GPR39: variants seen among roughly 807,000 people sequenced by gnomAD.
GPR39 encodes the protein zinc sensing receptor.
In GPR39, 23 loss-of-function variants were observed where a neutral mutation model predicts 18.4. The observed-to-expected ratio is 1.25, with a 90% CI of 0.90 to 1.77. The LOEUF is 1.77. GPR39 is among the 40% of genes most tolerant of loss of function. The pLI, the probability that GPR39 is intolerant of heterozygous loss-of-function variation, is 0.00. For synonymous variants in GPR39, 280 were observed against 257.9 expected (o/e 1.09, Z -0.82); for missense variants, 647 against 602.4 (o/e 1.07, Z -0.78).
At chr2:132,603,157 G>A (rs1681075853) in intron 1 of GPR39, among the ~76,000 whole-genome samples, 1 of 151,998 alleles carries the variant, frequency 6.6e-6, no homozygotes, top group South Asian at 2.1e-4. Flanking sequence ...AAAGATGAAT[G>A]GATAAGGAAA....
chr2:132,602,441 G>T (rs1462651968), intron 1 of GPR39, among the ~76,000 whole-genome samples: 2 of 152,056 alleles, frequency 1.3e-5, no homozygotes, highest in East Asian at 3.8e-4. Context: ...AAAACTACTA[G>T]AAGAACACAT....
At chr2:132,566,712 A>G (rs1573671459) in intron 1 of GPR39, among the ~76,000 whole-genome samples, 1 of 152,334 alleles carries the variant, frequency 6.6e-6, no homozygotes, top group East Asian at 1.9e-4. Flanking sequence ...CTTGTGATGC[A>G]CAAGATACTG....
chr2:132,507,649 T>A (rs781435584), intron 1 of GPR39, among the ~76,000 whole-genome samples: 2 of 152,164 alleles, frequency 1.3e-5, no homozygotes, highest in African/African-American at 2.4e-5. Context: ...ACTGACCTCA[T>A]CCCAGATATC....
At chr2:132,574,462 G>A (rs1297842446) in intron 1 of GPR39, among the ~76,000 whole-genome samples, 1 of 152,126 alleles carries the variant, frequency 6.6e-6, no homozygotes, top group Non-Finnish European at 1.5e-5. Flanking sequence ...CAGACATGGT[G>A]GCTCATGCCT....
chr2:132,442,103 C>A (rs1479916023), intron 1 of GPR39, among the ~76,000 whole-genome samples: 1 of 152,144 alleles, frequency 6.6e-6, no homozygotes, highest in Non-Finnish European at 1.5e-5. Flanking sequence ...ATTGGAGACC[C>A]AATTTTACCC....
At chr2:132,590,818 C>CGT (rs3066458) in intron 1 of GPR39, among the ~76,000 whole-genome samples, 42,588 of 143,722 alleles carry the variant, frequency 0.3, 6,445 homozygotes, top group African/African-American at 0.39. Flanking sequence ...AAGTATTGTT[C>CGT]GTGTGTGTGT....
chr2:132,456,227 G>T (rs543296878), intron 1 of GPR39, among the ~76,000 whole-genome samples: 15 of 151,766 alleles, frequency 9.9e-5, no homozygotes, highest in Admixed American at 9.8e-4. Flanking sequence ...TTACCATTAT[G>T]TAATGGCCTT....
intron 1 of GPR39, among the ~76,000 whole-genome samples, chr2:132,527,898 T>G (rs559804696): frequency 6.6e-6 from 1 of 151,360 alleles, no homozygotes; most frequent in Admixed American, 6.6e-5. Context: ...TTTTTTTGTT[T>G]TGTTTTGTTT....
At chr2:132,486,650 G>T (rs1681345646) in intron 1 of GPR39, among the ~76,000 whole-genome samples, 1 of 152,180 alleles carries the variant, frequency 6.6e-6, no homozygotes, top group Admixed American at 6.5e-5. Context: ...CTTTTCTTCT[G>T]TAGTTTCCTT....
intron 1 of GPR39, among the ~76,000 whole-genome samples, chr2:132,492,067 C>T (rs1461706845): frequency 1.3e-5 from 2 of 150,228 alleles, no homozygotes; most frequent in African/African-American, 4.9e-5. Flanking sequence ...TATATGTATA[C>T]ACCACATATA....
intron 1 of GPR39, among the ~76,000 whole-genome samples, chr2:132,546,166 C>G (rs1213878123): frequency 6.6e-6 from 1 of 152,186 alleles, no homozygotes; most frequent in East Asian, 1.9e-4. Flanking sequence ...AACAACAGTT[C>G]TCAAACTTGA....
chr2:132,540,812 T>C (rs1679848339), intron 1 of GPR39, among the ~76,000 whole-genome samples: 1 of 152,118 alleles, frequency 6.6e-6, no homozygotes, highest in Non-Finnish European at 1.5e-5. Flanking sequence ...TGCTCGAGTG[T>C]GGTATGAAAT....
intron 1 of GPR39, among the ~76,000 whole-genome samples, chr2:132,560,829 C>T (rs1245625192): frequency 6.6e-6 from 1 of 152,210 alleles, no homozygotes; most frequent in Non-Finnish European, 1.5e-5. Context: ...CTCAGGAACT[C>T]AGCCTCCTTT....
intron 1 of GPR39, among the ~76,000 whole-genome samples, chr2:132,514,792 G>A (rs972291471): frequency 1.3e-5 from 2 of 152,186 alleles, no homozygotes; most frequent in Middle Eastern, 6.3e-3. Flanking sequence ...TAGCAGTCAA[G>A]ATTCATGTCT....
In GPR39 at chr2:132,417,435, T is replaced by A; in HGVS notation, c.393T>A (p.Phe131Leu). The A allele has an allele frequency of 6.2e-7, 1 of 1,614,186 alleles. No individual in the cohort carries two copies. Among genetic ancestry groups the A allele is most frequent in the Non-Finnish European group, 8.5e-7 (1 of 1,180,026 alleles). Residue 131 changes from phenylalanine (F) to leucine (L), a missense_variant, in exon 1 of 2, where the codon TTT (phenylalanine) becomes TTA (leucine). Transcript: ENST00000329321. ...ATLLHVLTLS[F>L]ERYIAICHPF... ...TGCTGCACGTGCTGACACTCAGCTT[T>A]GAGCGCTACATCGCCATCTGTCACC...
intron 1 of GPR39, among the ~76,000 whole-genome samples, chr2:132,627,162 G>T (rs893330604): frequency 6.6e-6 from 1 of 152,110 alleles, no homozygotes; most frequent in African/African-American, 2.4e-5. Context: ...ATCACGGAGG[G>T]GACTGGCCCT....
intron 1 of GPR39, among the ~76,000 whole-genome samples, chr2:132,621,771 A>C (rs984438244): frequency 4.6e-5 from 7 of 152,196 alleles, no homozygotes; most frequent in Non-Finnish European, 1.0e-4. Flanking sequence ...AGTGATGTCC[A>C]TCTTCCAAGG....
At chr2:132,616,908 A>G (rs906031200) in intron 1 of GPR39, among the ~76,000 whole-genome samples, 1 of 152,194 alleles carries the variant, frequency 6.6e-6, no homozygotes, top group African/African-American at 2.4e-5. Flanking sequence ...CACGGTCCCT[A>G]CTGTTGAGCT....
intron 1 of GPR39, among the ~76,000 whole-genome samples, chr2:132,461,310 G>A (rs1403740865): frequency 6.6e-6 from 1 of 152,134 alleles, no homozygotes; most frequent in Non-Finnish European, 1.5e-5. Context: ...TTTTCTCTGT[G>A]TTACCACCGG....
Sources: allele counts gnomAD v4.1 joint callset (sites outside exome capture counted in the v4.1 genomes callset), GRCh38; gene constraint gnomAD v4.1.1; transcripts MANE v1.5; gene names NCBI Gene and HGNC (gene_info 2026-07-23, HGNC 2026-07-21).